THSD4: variants seen among roughly 807,000 people sequenced by gnomAD.
The protein encoded by THSD4 is thrombospondin type-1 domain-containing protein 4.
THSD4 carries 69 observed loss-of-function variants against 119.0 expected under a neutral mutation model. The ratio of observed to expected loss-of-function variants is 0.58; its 90% CI spans 0.48 to 0.71. THSD4 has a LOEUF of 0.71. Ranked by LOEUF, THSD4 falls within the 30% of genes least tolerant of loss-of-function variation. THSD4 has a pLI of 0.00. For synonymous variants in THSD4, 524 were observed against 540.4 expected (o/e 0.97, Z 0.42); for missense variants, 1,393 against 1,391.1 (o/e 1.00, Z -0.02).
intron 8 of THSD4, among the ~76,000 whole-genome samples, chr15:71,711,709 G>A (rs8034359): frequency 0.79 from 119,353 of 151,990 alleles, 47,072 homozygotes; most frequent in East Asian, 0.92. Flanking sequence ...ACACATTTTT[G>A]AAAAGATATT....
intron 7 of THSD4, among the ~76,000 whole-genome samples, chr15:71,552,740 A>C (rs1438198989): frequency 1.3e-5 from 2 of 152,178 alleles, no homozygotes; most frequent in Non-Finnish European, 2.9e-5. Flanking sequence ...TCTGCCTCCC[A>C]GGTTCAAGAG....
At chr15:71,447,169 G>A (rs1171294695) in intron 7 of THSD4, among the ~76,000 whole-genome samples, 1 of 135,580 alleles carries the variant, frequency 7.4e-6, no homozygotes, top group Non-Finnish European at 1.5e-5. Flanking sequence ...TCGCCAGGCT[G>A]GAGTGCAGTG....
intron 8 of THSD4, 93 bp downstream of exon 8, chr15:71,660,827 G>T: frequency 4.2e-6 from 6 of 1,429,282 alleles, no homozygotes; most frequent in Non-Finnish European, 5.8e-6. Context: ...GTGTCCGAGA[G>T]TCCCGGGGCA....
At position 71,392,726 on chromosome 15, in the gene THSD4, C is replaced by T. The variant is rs1339826490; in HGVS notation, c.1016-18961C>T. ...CAGAGAGCTTGAGAGGAAAGCTACA[C>T]CTCATTTAACTCAATGGCCACCATC... On this transcript the variant is annotated intron_variant, in intron 6 of 17. Transcript: ENST00000261862. Among the ~76,000 whole-genome samples the T allele has an allele frequency of 2.0e-5, 3 of 152,332 alleles. No individual in the cohort carries two copies. The East Asian group carries it at 5.8e-4, about 29-fold the overall frequency.
At chr15:71,728,842 C>A in intron 9 of THSD4, 118 bp downstream of exon 9, 3 of 1,377,462 alleles carry the variant, frequency 2.2e-6, no homozygotes, top group South Asian at 1.2e-5. Flanking sequence ...ACCCTTTGAG[C>A]AGAGCCTGTT....
chr15:71,752,504 T>C (rs1232136421), intron 14 of THSD4, among the ~76,000 whole-genome samples: 1 of 152,268 alleles, frequency 6.6e-6, no homozygotes. Context: ...TTGCCTTATC[T>C]ACCCTCAGAA....
chr15:71,150,849 A>G (rs558424259), intron 2 of THSD4, among the ~76,000 whole-genome samples: 4 of 152,298 alleles, frequency 2.6e-5, no homozygotes, highest in African/African-American at 7.2e-5. Flanking sequence ...TTTTCACTTA[A>G]TCTTGAAATT....
At chr15:71,133,517 A>T (rs954411789) in intron 1 of THSD4, among the ~76,000 whole-genome samples, 2 of 152,202 alleles carry the variant, frequency 1.3e-5, no homozygotes, top group Admixed American at 1.3e-4. Context: ...GACAAGCACA[A>T]ATCATAATGA....
intron 3 of THSD4, among the ~76,000 whole-genome samples, chr15:71,203,770 C>T (rs775010236): frequency 3.3e-5 from 5 of 152,196 alleles, no homozygotes; most frequent in African/African-American, 2.4e-5. Flanking sequence ...CTCTTTCACT[C>T]AGCAGGTGTT....
At chr15:71,643,195 C>A (rs111709267) in intron 7 of THSD4, among the ~76,000 whole-genome samples, 1 of 152,158 alleles carries the variant, frequency 6.6e-6, no homozygotes, top group East Asian at 1.9e-4. Context: ...GTGGTCCTAA[C>A]ACTTTTTCAT....
intron 16 of THSD4, among the ~76,000 whole-genome samples, chr15:71,768,259 T>C (rs375665906): frequency 4.8e-4 from 50 of 105,230 alleles, no homozygotes; most frequent in African/African-American, 1.4e-3. Flanking sequence ...CCCCCGGAAG[T>C]AGTCTCACAA....
rs538601224 is a variant in THSD4 at position 71,326,867 on chromosome 15, T to C, written c.1015+70152T>C. 5.0e-4 allele frequency among the ~76,000 whole-genome samples: 74 copies of C among 149,426 alleles called. 1 individual carries two copies. Among genetic ancestry groups the C allele is most frequent in the African/African-American group, 1.4e-3 (58 of 40,794 alleles). Reference sequence around the variant, plus strand: ...AAGTTTGGATGCCAGAGCGAGACCCTGTCTCTAAAAAGCAAACAGGCCGAG... The same window carrying C: ...AAGTTTGGATGCCAGAGCGAGACCCCGTCTCTAAAAAGCAAACAGGCCGAG... On this transcript the variant is annotated intron_variant, in intron 6 of 17. Transcript: ENST00000261862.
At chr15:71,545,803 A>T (rs1272636628) in intron 7 of THSD4, among the ~76,000 whole-genome samples, 3 of 152,154 alleles carry the variant, frequency 2.0e-5, no homozygotes, top group Non-Finnish European at 4.4e-5. Flanking sequence ...TGTAAAAAGG[A>T]ATGAAAGTTC....
At chr15:71,304,390 G>A (rs2044994343) in intron 6 of THSD4, among the ~76,000 whole-genome samples, 1 of 151,784 alleles carries the variant, frequency 6.6e-6, no homozygotes. Flanking sequence ...GCTTCTGCTT[G>A]GAGTTTAAGA....
intron 6 of THSD4, among the ~76,000 whole-genome samples, chr15:71,299,117 G>A (rs2044908789): frequency 6.6e-6 from 1 of 152,132 alleles, no homozygotes; most frequent in Non-Finnish European, 1.5e-5. Context: ...TAAAAGAGGC[G>A]GGAATGAGGT....
intron 7 of THSD4, among the ~76,000 whole-genome samples, chr15:71,551,337 G>A (rs1337312735): frequency 6.6e-6 from 1 of 152,168 alleles, no homozygotes; most frequent in South Asian, 2.1e-4. Context: ...TCTAAAAGGG[G>A]CACAGAATAC....
intron 2 of THSD4, among the ~76,000 whole-genome samples, chr15:71,149,968 A>G (rs2040704040): frequency 6.6e-6 from 1 of 152,118 alleles, no homozygotes; most frequent in South Asian, 2.1e-4. Flanking sequence ...TAAAACCTAG[A>G]ACAGCACTGG....
At chr15:71,725,644 AAG>A (rs974570907) in intron 8 of THSD4, among the ~76,000 whole-genome samples, 25 of 152,224 alleles carry the variant, frequency 1.6e-4, no homozygotes, top group African/African-American at 5.5e-4. Flanking sequence ...GACATCTGAA[AAG>A]AGGAGGCCTG....
In THSD4 at chr15:71,779,405, C is replaced by G. The variant is rs983848576; in HGVS notation, c.*2031C>G. 3.3e-5 allele frequency: 5 copies of G among 152,262 alleles called. No homozygotes were observed. The highest frequency in any genetic ancestry group is 7.3e-5 in the Non-Finnish European group (5 of 68,082). The allele number at this position is 152,262 out of a possible 1,614,324, so 9.4% of individuals were successfully genotyped here. On this transcript the variant is annotated 3_prime_UTR_variant, in exon 18 of 18. Transcript: ENST00000261862. ...AGTTGTTCCTGTATGTGGCTGCTCT[C>G]AGATCTTTCCAAGCAAGCCAGTCAT...
Sources: allele counts gnomAD v4.1 joint callset (sites outside exome capture counted in the v4.1 genomes callset), GRCh38; gene constraint gnomAD v4.1.1; transcripts MANE v1.5; gene names NCBI Gene and HGNC (gene_info 2026-07-23, HGNC 2026-07-21).